EYA4: variants seen among roughly 807,000 people sequenced by gnomAD.
The protein encoded by EYA4 is protein phosphatase EYA4.
EYA4 carries 31 observed loss-of-function variants against 87.9 expected under a neutral mutation model. That is an observed-to-expected ratio of 0.35 (90% confidence interval 0.27 to 0.48). The LOEUF is 0.48. Ranked by LOEUF, EYA4 falls within the 20% of genes least tolerant of loss-of-function variation. The pLI, the probability that EYA4 is intolerant of heterozygous loss-of-function variation, is 0.99. For synonymous variants in EYA4, 263 were observed against 270.6 expected (o/e 0.97, Z 0.28); for missense variants, 678 against 761.4 (o/e 0.89, Z 1.29).
At chr6:133,483,388 G>GA (rs950372216) in intron 13 of EYA4, among the ~76,000 whole-genome samples, 8 of 151,432 alleles carry the variant, frequency 5.3e-5, no homozygotes, top group East Asian at 1.9e-4. Context: ...AATTATTTTA[G>GA]AAAAAAAATT....
intron 2 of EYA4, among the ~76,000 whole-genome samples, chr6:133,339,264 AG>A (rs1782609907): frequency 6.6e-6 from 1 of 152,206 alleles, no homozygotes. Flanking sequence ...GCATCTCTGA[AG>A]GAGACAAGTT....
chr6:133,335,830 G>A (rs1415715007), intron 2 of EYA4, among the ~76,000 whole-genome samples: 1 of 152,044 alleles, frequency 6.6e-6, no homozygotes, highest in Admixed American at 6.6e-5. Context: ...CACATTTAGG[G>A]TCTTTTTTGT....
At chr6:133,331,333 A>G (rs572001110) in intron 2 of EYA4, among the ~76,000 whole-genome samples, 1 of 152,286 alleles carries the variant, frequency 6.6e-6, no homozygotes, top group African/African-American at 2.4e-5. Flanking sequence ...AGTGATCAGT[A>G]TCATTTATTA....
chr6:133,263,089 C>G (rs1343073431), intron 1 of EYA4, among the ~76,000 whole-genome samples: 1 of 152,162 alleles, frequency 6.6e-6, no homozygotes, highest in Non-Finnish European at 1.5e-5. Flanking sequence ...TCCAGCTTCA[C>G]AGACCCAGTA....
intron 1 of EYA4, among the ~76,000 whole-genome samples, chr6:133,246,139 A>C (rs1774391446): frequency 6.6e-6 from 1 of 152,190 alleles, no homozygotes; most frequent in Non-Finnish European, 1.5e-5. Context: ...GTCTCACTGT[A>C]ACCTTTTTTG....
chr6:133,250,318 C>T (rs1472087433), intron 1 of EYA4, among the ~76,000 whole-genome samples: 1 of 152,116 alleles, frequency 6.6e-6, no homozygotes, highest in African/African-American at 2.4e-5. Context: ...ATCTGAGAGA[C>T]TCAGTTCTTA....
intron 2 of EYA4, among the ~76,000 whole-genome samples, chr6:133,357,226 C>G (rs1474443688): frequency 2.8e-5 from 4 of 142,470 alleles, no homozygotes; most frequent in African/African-American, 8.1e-5. Context: ...AGCCGAGATC[C>G]CGCCACTGCA....
chr6:133,330,958 T>G (rs1186560360), intron 2 of EYA4, among the ~76,000 whole-genome samples: 2 of 151,916 alleles, frequency 1.3e-5, no homozygotes, highest in African/African-American at 4.8e-5. Flanking sequence ...TTGTGAGAAT[T>G]TTTATGTAAA....
chr6:133,470,106 T>G (rs1795203671), intron 11 of EYA4, among the ~76,000 whole-genome samples: 1 of 150,970 alleles, frequency 6.6e-6, no homozygotes, highest in Non-Finnish European at 1.5e-5. Context: ...TAGATCCCAT[T>G]TGTCAATGTT....
At chr6:133,391,169 T>G (rs1787236411) in intron 3 of EYA4, among the ~76,000 whole-genome samples, 1 of 152,020 alleles carries the variant, frequency 6.6e-6, no homozygotes, top group Admixed American at 6.6e-5. Flanking sequence ...TGTCAGCCAG[T>G]TGAAGCAGAA....
At chr6:133,363,620 G>T (rs549601857) in intron 2 of EYA4, among the ~76,000 whole-genome samples, 2 of 148,466 alleles carry the variant, frequency 1.3e-5, no homozygotes, top group Non-Finnish European at 3.0e-5. Context: ...GACTACAGGC[G>T]CACGCTGCCA....
In EYA4 at chr6:133,523,183, G is replaced by T. The variant is rs1169212881; in HGVS notation, c.1738+6G>T. 1 of 1,611,560 alleles carries T rather than the reference G, an allele frequency of 6.2e-7. No individual in the cohort carries two copies. Among genetic ancestry groups the T allele is most frequent in the African/African-American group, 1.3e-5 (1 of 74,940 alleles). Reference sequence around the variant, plus strand: ...TTACAGTGCAACTAAAATAGGTAAGGAAATTATTTTAAACTCTGTATGGAA... The same window carrying T: ...TTACAGTGCAACTAAAATAGGTAAGTAAATTATTTTAAACTCTGTATGGAA... On this transcript the variant is annotated splice_donor_region_variant and intron_variant, in intron 18 of 19. Transcript: ENST00000355286.
intron 2 of EYA4, among the ~76,000 whole-genome samples, chr6:133,374,208 A>G (rs1785491437): frequency 6.6e-6 from 1 of 152,088 alleles, no homozygotes; most frequent in Non-Finnish European, 1.5e-5. Context: ...TTTTGAATAT[A>G]TTCAACCTTG....
intron 2 of EYA4, among the ~76,000 whole-genome samples, chr6:133,323,100 G>C (rs1781223454): frequency 6.6e-6 from 1 of 151,816 alleles, no homozygotes; most frequent in Non-Finnish European, 1.5e-5. Context: ...GTGTGTTTGT[G>C]TGTGTGTGTG....
chr6:133,249,748 T>C (rs1774733539), intron 1 of EYA4, among the ~76,000 whole-genome samples: 1 of 152,208 alleles, frequency 6.6e-6, no homozygotes, highest in African/African-American at 2.4e-5. Context: ...AGGTGCAAAA[T>C]GTTAGCTCCT....
intron 3 of EYA4, among the ~76,000 whole-genome samples, chr6:133,422,781 A>G (rs192293239): frequency 1.4e-4 from 22 of 152,338 alleles, no homozygotes; most frequent in African/African-American, 4.3e-4. Flanking sequence ...TCTGCCTGCT[A>G]TTGGCTTTGC....
chr6:133,510,684 G>C (rs919902341), intron 14 of EYA4: 6 of 187,578 alleles, frequency 3.2e-5, no homozygotes, highest in African/African-American at 1.4e-4. Flanking sequence ...CTAAATACCT[G>C]TCCGGCCAGG....
chr6:133,522,349 T>G (rs951696772), intron 17 of EYA4, among the ~76,000 whole-genome samples: 1 of 151,650 alleles, frequency 6.6e-6, no homozygotes, highest in Non-Finnish European at 1.5e-5. Flanking sequence ...AGTATATACA[T>G]GTATAAAACT....
intron 2 of EYA4, among the ~76,000 whole-genome samples, chr6:133,275,863 A>G (rs546000877): frequency 6.6e-6 from 1 of 152,298 alleles, no homozygotes; most frequent in Non-Finnish European, 1.5e-5. Context: ...CATCATAGGA[A>G]AAATGTAACA....
Sources: allele counts gnomAD v4.1 joint callset (sites outside exome capture counted in the v4.1 genomes callset), GRCh38; gene constraint gnomAD v4.1.1; transcripts MANE v1.5; gene names NCBI Gene and HGNC (gene_info 2026-07-23, HGNC 2026-07-21).